NKAIN3: variants seen among roughly 807,000 people sequenced by gnomAD.
NKAIN3 encodes the protein sodium/potassium-transporting ATPase subunit beta-1-interacting protein 3.
Under a neutral mutation model 30.2 loss-of-function variants are expected in NKAIN3, and 25 were observed. The observed-to-expected ratio is 0.83, with a 90% CI of 0.60 to 1.16. The LOEUF (loss-of-function observed/expected upper bound fraction) is 1.16. NKAIN3 is among the 50% of genes most tolerant of loss of function. The probability of loss-of-function intolerance (pLI) is 0.00; values close to 1 mark genes in which losing one functional copy is unlikely to be tolerated. For missense variants in NKAIN3, 225 were observed against 254.1 expected (o/e 0.89, Z 0.78); for synonymous variants, 91 against 89.6 (o/e 1.02, Z -0.09).
intron 4 of NKAIN3, among the ~76,000 whole-genome samples, chr8:62,772,956 G>A (rs1817070955): frequency 6.6e-6 from 1 of 152,016 alleles, no homozygotes; most frequent in Non-Finnish European, 1.5e-5. Context: ...ACCACGCCCG[G>A]CTCTTTTGCC....
chr8:62,940,226 A>AAT (rs1318589266), intron 5 of NKAIN3, among the ~76,000 whole-genome samples: 1 of 152,124 alleles, frequency 6.6e-6, no homozygotes, highest in East Asian at 1.9e-4. Flanking sequence ...TACAATCCTA[A>AAT]ATATATATGC....
intron 1 of NKAIN3, among the ~76,000 whole-genome samples, chr8:62,423,519 C>T (rs776219663): frequency 4.0e-5 from 6 of 151,364 alleles, no homozygotes; most frequent in Non-Finnish European, 5.9e-5. Context: ...GTCCATCATT[C>T]TCAAATTAAC....
chr8:62,653,412 A>G (rs183546942), intron 3 of NKAIN3, among the ~76,000 whole-genome samples: 29 of 152,274 alleles, frequency 1.9e-4, no homozygotes, highest in African/African-American at 7.0e-4. Flanking sequence ...CCACCTCCAA[A>G]TATCATCACA....
At chr8:62,954,639 G>A (rs1823373275) in intron 6 of NKAIN3, among the ~76,000 whole-genome samples, 1 of 152,072 alleles carries the variant, frequency 6.6e-6, no homozygotes, top group Non-Finnish European at 1.5e-5. Flanking sequence ...AGGAAACATG[G>A]AAATAGATAG....
chr8:62,896,287 G>T (rs1228193981), intron 4 of NKAIN3, among the ~76,000 whole-genome samples: 1 of 151,938 alleles, frequency 6.6e-6, no homozygotes, highest in East Asian at 1.9e-4. Context: ...TCATCATGGG[G>T]GCTCCACCCT....
chr8:62,796,009 C>CA (rs1031415259), intron 4 of NKAIN3, among the ~76,000 whole-genome samples: 11 of 151,916 alleles, frequency 7.2e-5, no homozygotes, highest in Admixed American at 3.9e-4. Context: ...TTGATTTGGC[C>CA]AAAAAAATGA....
chr8:62,754,641 C>G (rs1816392934), intron 4 of NKAIN3, among the ~76,000 whole-genome samples: 2 of 152,162 alleles, frequency 1.3e-5, no homozygotes, highest in Admixed American at 1.3e-4. Flanking sequence ...TTCATCATCC[C>G]TATGCCTTTT....
intron 6 of NKAIN3, among the ~76,000 whole-genome samples, chr8:62,960,491 A>G (rs1276027601): frequency 6.6e-6 from 1 of 152,034 alleles, no homozygotes; most frequent in Admixed American, 6.6e-5. Flanking sequence ...TGATGTGGAG[A>G]TATAGTCCAC....
chr8:62,598,861 T>C (rs1168206303), intron 3 of NKAIN3, among the ~76,000 whole-genome samples: 1 of 152,014 alleles, frequency 6.6e-6, no homozygotes. Flanking sequence ...GCAAACAGGA[T>C]CCAGCTGTTG....
intron 1 of NKAIN3, among the ~76,000 whole-genome samples, chr8:62,252,264 A>G (rs1812130115): frequency 6.6e-6 from 1 of 152,200 alleles, no homozygotes; most frequent in South Asian, 2.1e-4. Flanking sequence ...TGCTGAAGAC[A>G]ATCTACATGC....
intron 4 of NKAIN3, among the ~76,000 whole-genome samples, chr8:62,872,526 G>A (rs1337725470): frequency 6.6e-6 from 1 of 152,216 alleles, no homozygotes; most frequent in Non-Finnish European, 1.5e-5. Context: ...GACTCTCACT[G>A]TTCATGTCCC....
At chr8:62,374,117 A>AC (rs1816997034) in intron 1 of NKAIN3, among the ~76,000 whole-genome samples, 1 of 110,960 alleles carries the variant, frequency 9.0e-6, no homozygotes, top group Non-Finnish European at 2.0e-5. Context: ...CATCTCCAAA[A>AC]AAAAAAAAAA....
intron 4 of NKAIN3, among the ~76,000 whole-genome samples, chr8:62,857,294 C>T (rs190520796): frequency 1.0e-3 from 157 of 152,266 alleles, no homozygotes; most frequent in African/African-American, 2.9e-3. Flanking sequence ...TGTTTCATTT[C>T]GACCTTAGAG....
At chr8:62,770,304 G>A (rs1816972205) in intron 4 of NKAIN3, among the ~76,000 whole-genome samples, 1 of 152,218 alleles carries the variant, frequency 6.6e-6, no homozygotes, top group Non-Finnish European at 1.5e-5. Flanking sequence ...CCACACAGGT[G>A]CAATAGCAGA....
chr8:62,647,637 T>C (rs1282229773), intron 3 of NKAIN3, among the ~76,000 whole-genome samples: 1 of 152,034 alleles, frequency 6.6e-6, no homozygotes, highest in East Asian at 1.9e-4. Context: ...AGGACTGTTT[T>C]AAGGAGAGGA....
intron 3 of NKAIN3, among the ~76,000 whole-genome samples, chr8:62,590,648 C>T (rs1372303490): frequency 6.6e-6 from 1 of 151,836 alleles, no homozygotes; most frequent in Non-Finnish European, 1.5e-5. Context: ...CTAAGTAATG[C>T]ACCTGTGGCT....
In NKAIN3 at chr8:62,608,024, T is replaced by A. The variant is rs144464535; in HGVS notation, c.273+18230T>A. On this transcript the variant is annotated intron_variant, in intron 3 of 6. Transcript: ENST00000623646. ...CCAATGTAACTATTTAAAAAAATTG[T>A]GTTAAACTTTTAATATGAGAAACAA... Among the ~76,000 whole-genome samples the A allele has an allele frequency of 1.5e-3, 228 of 152,312 alleles. 1 individual carries two copies. Among genetic ancestry groups the A allele is most frequent in the African/African-American group, 4.1e-3 (169 of 41,582 alleles).
At chr8:62,763,707 CAAG>C (rs1816746177) in intron 4 of NKAIN3, among the ~76,000 whole-genome samples, 2 of 152,032 alleles carry the variant, frequency 1.3e-5, no homozygotes, top group Admixed American at 6.5e-5. Context: ...TCAATGATTA[CAAG>C]AAGAAGAATC....
downstream of NKAIN3, among the ~76,000 whole-genome samples, chr8:62,985,118 T>A (rs1824176806): frequency 6.6e-6 from 1 of 152,196 alleles, no homozygotes; most frequent in Non-Finnish European, 1.5e-5. Flanking sequence ...AGCGTTTAAA[T>A]GTTCTGCAAG....
Sources: allele counts gnomAD v4.1 joint callset (sites outside exome capture counted in the v4.1 genomes callset), GRCh38; gene constraint gnomAD v4.1.1; transcripts MANE v1.5; gene names NCBI Gene and HGNC (gene_info 2026-07-23, HGNC 2026-07-21).